PTPRN2: variants seen among roughly 807,000 people sequenced by gnomAD.
PTPRN2 encodes receptor-type tyrosine-protein phosphatase N2.
Under a neutral mutation model 118.8 loss-of-function variants are expected in PTPRN2, and 74 were observed. The ratio of observed to expected loss-of-function variants is 0.62; its 90% CI spans 0.52 to 0.76. PTPRN2 has a LOEUF of 0.76. Among genes scored for constraint, PTPRN2 ranks in the 30% least tolerant of loss-of-function variants. PTPRN2 has a pLI of 0.00. For synonymous variants in PTPRN2, 641 were observed against 608.0 expected (o/e 1.05, Z -0.80); for missense variants, 1,481 against 1,394.4 (o/e 1.06, Z -0.99).
chr7:158,328,299 C>G (rs1039375201), intron 2 of PTPRN2, among the ~76,000 whole-genome samples: 1 of 152,324 alleles, frequency 6.6e-6, no homozygotes, highest in Non-Finnish European at 1.5e-5. Flanking sequence ...TTTAAGGAGC[C>G]GTTGGATCCG....
intron 12 of PTPRN2, 53 bp from the exon 13 acceptor site, chr7:157,682,990 T>TA (rs914404533): frequency 1.5e-5 from 22 of 1,432,270 alleles, no homozygotes; most frequent in Non-Finnish European, 1.9e-5. Context: ...CATGACCTCC[T>TA]AAAAACACAC....
intron 17 of PTPRN2, among the ~76,000 whole-genome samples, chr7:157,578,711 T>A (rs190530572): frequency 1.3e-5 from 2 of 152,376 alleles, no homozygotes; most frequent in African/African-American, 2.4e-5. Flanking sequence ...ATTAGCCACA[T>A]TGAAACACAA....
At chr7:158,203,314 C>CAATCTCA (rs1044181596) in intron 4 of PTPRN2, among the ~76,000 whole-genome samples, 3 of 150,098 alleles carry the variant, frequency 2.0e-5, no homozygotes, top group African/African-American at 7.4e-5. Context: ...GAGAAAATTC[C>CAATCTCA]AATCTCAAAG....
chr7:158,366,443 G>A (rs9986796), intron 2 of PTPRN2, among the ~76,000 whole-genome samples: 6,111 of 149,398 alleles, frequency 0.041, 348 homozygotes, highest in African/African-American at 0.14. Flanking sequence ...GCGTGCACAC[G>A]CACACACACC....
At chr7:158,300,909 T>C (rs1023934377) in intron 3 of PTPRN2, among the ~76,000 whole-genome samples, 4 of 152,104 alleles carry the variant, frequency 2.6e-5, no homozygotes, top group African/African-American at 9.7e-5. Flanking sequence ...TTTCCACCGC[T>C]GTAATGAGAA....
intron 1 of PTPRN2, among the ~76,000 whole-genome samples, chr7:158,534,960 T>A (rs538008682): frequency 4.6e-5 from 7 of 152,096 alleles, no homozygotes; most frequent in Non-Finnish European, 8.8e-5. Flanking sequence ...CGTTTCAGTG[T>A]TCCCCAGAAC....
chr7:158,084,877 ATGATGCCCAT>A (rs1813153684), intron 10 of PTPRN2, among the ~76,000 whole-genome samples: 1 of 137,740 alleles, frequency 7.3e-6, no homozygotes, highest in Admixed American at 7.2e-5. Flanking sequence ...ATCCACACCC[ATGATGCCCAT>A]CCACATCCTC....
chr7:158,213,852 A>C (rs1827781064), intron 3 of PTPRN2, among the ~76,000 whole-genome samples: 1 of 152,208 alleles, frequency 6.6e-6, no homozygotes, highest in Non-Finnish European at 1.5e-5. Flanking sequence ...AGAACTTTTC[A>C]TGAAAAATAT....
intron 3 of PTPRN2, among the ~76,000 whole-genome samples, chr7:158,254,724 G>A (rs1261434733): frequency 6.6e-6 from 1 of 152,228 alleles, no homozygotes; most frequent in Non-Finnish European, 1.5e-5. Context: ...GCACACAGCA[G>A]TAAAAATGTA....
intron 3 of PTPRN2, among the ~76,000 whole-genome samples, chr7:158,303,557 T>C (rs770610980): frequency 2.0e-5 from 3 of 152,250 alleles, no homozygotes; most frequent in African/African-American, 2.4e-5. Flanking sequence ...GCTTGCAATG[T>C]GTAAACCTTA....
At chr7:158,206,876 T>C (rs1443554105) in intron 3 of PTPRN2, among the ~76,000 whole-genome samples, 9 of 150,770 alleles carry the variant, frequency 6.0e-5, no homozygotes, top group Non-Finnish European at 8.9e-5. Context: ...GTTACATACG[T>C]ATACATGTGC....
chr7:158,534,178 G>C (rs1825478574), intron 1 of PTPRN2, among the ~76,000 whole-genome samples: 1 of 99,316 alleles, frequency 1.0e-5, no homozygotes, highest in Admixed American at 1.1e-4. Context: ...GGCTCCGTCA[G>C]GGATGGCTGT....
chr7:157,995,043 C>T (rs868333409), intron 11 of PTPRN2, among the ~76,000 whole-genome samples: 356 of 4,480 alleles, frequency 0.079, 135 homozygotes, highest in African/African-American at 0.12. Flanking sequence ...TAAAATTCAA[C>T]GCCGTGTCCC....
intron 2 of PTPRN2, among the ~76,000 whole-genome samples, chr7:158,383,259 T>G (rs1195629458): frequency 6.6e-6 from 1 of 152,206 alleles, no homozygotes; most frequent in Non-Finnish European, 1.5e-5. Flanking sequence ...TCAAAAAAAG[T>G]GATCAGAGGC....
At chr7:158,279,232 T>C (rs181514189) in intron 3 of PTPRN2, among the ~76,000 whole-genome samples, 19 of 152,352 alleles carry the variant, frequency 1.2e-4, no homozygotes, top group Middle Eastern at 3.4e-3. Context: ...CTGGTCCGTT[T>C]TGACAGAGTG....
At chr7:157,733,161 C>T (rs1443451442) in intron 12 of PTPRN2, among the ~76,000 whole-genome samples, 3 of 42,238 alleles carry the variant, frequency 7.1e-5, no homozygotes, top group Non-Finnish European at 1.4e-4. Context: ...TCCCAGGCGC[C>T]CAGCACAGTT....
chr7:158,149,892 C>T (rs776365288), intron 6 of PTPRN2, among the ~76,000 whole-genome samples: 1 of 149,926 alleles, frequency 6.7e-6, no homozygotes, highest in Admixed American at 6.6e-5. Flanking sequence ...TTATGCTGAA[C>T]AAAAAGTGGC....
intron 12 of PTPRN2, among the ~76,000 whole-genome samples, chr7:157,793,776 A>T (rs1200782803): frequency 6.6e-6 from 1 of 152,130 alleles, no homozygotes; most frequent in East Asian, 1.9e-4. Flanking sequence ...CACCCCTGGC[A>T]CCACACAGGG....
intron 11 of PTPRN2, among the ~76,000 whole-genome samples, chr7:157,933,766 G>A (rs1220994251): frequency 8.0e-6 from 1 of 124,226 alleles, no homozygotes; most frequent in African/African-American, 2.7e-5. Context: ...GAGTCACTCT[G>A]ATTGACAGTT....
Sources: gnomAD v4.1 joint callset for allele counts (sites outside exome capture counted in the v4.1 genomes callset) on GRCh38, gnomAD v4.1.1 for gene constraint, MANE v1.5 for transcripts, NCBI Gene and HGNC (gene_info 2026-07-23, HGNC 2026-07-21) for gene names.